Variants in INSC observed in about 807,000 individuals in gnomAD.
INSC encodes protein inscuteable homolog.
Under a neutral mutation model 58.6 loss-of-function variants are expected in INSC, and 67 were observed. The observed-to-expected ratio is 1.14, with a 90% CI of 0.94 to 1.40. The LOEUF is 1.40. Among genes scored for constraint, INSC ranks in the 40% most tolerant of loss-of-function variants. The probability of loss-of-function intolerance (pLI) is 0.00; values close to 1 mark genes in which losing one functional copy is unlikely to be tolerated. For missense variants in INSC, 714 were observed against 692.0 expected (o/e 1.03, Z -0.36); for synonymous variants, 262 against 276.1 (o/e 0.95, Z 0.51).
intron 8 of INSC, among the ~76,000 whole-genome samples, chr11:15,222,487 TG>T (rs1256158567): frequency 1.3e-5 from 2 of 152,096 alleles, no homozygotes; most frequent in Non-Finnish European, 2.9e-5. Context: ...CACAGAACAT[TG>T]GGCAAGGAGT....
chr11:15,116,876 TCC>T (rs199715498), intron 1 of INSC, among the ~76,000 whole-genome samples: 3 of 20,398 alleles, frequency 1.5e-4, no homozygotes, highest in African/African-American at 2.2e-4. Context: ...TCTCTCTCTC[TCC>T]CCCTCCCTCC....
the INSC span, among the ~76,000 whole-genome samples, chr11:15,257,453 T>A: frequency 6.6e-6 from 1 of 152,198 alleles, no homozygotes; most frequent in Non-Finnish European, 1.5e-5. Flanking sequence ...AGATACTAAA[T>A]TATGTTTATG....
intron 2 of INSC, among the ~76,000 whole-genome samples, chr11:15,160,805 TAAC>T (rs934067880): frequency 1.3e-5 from 2 of 152,140 alleles, no homozygotes; most frequent in African/African-American, 2.4e-5. Flanking sequence ...GAAACCGAAA[TAAC>T]AACAAGTTCC....
Position 15,180,002 on chromosome 11 carries a change from A to G in INSC, c.579+1555A>G, listed in dbSNP as rs193159470. Among the ~76,000 whole-genome samples the G allele has an allele frequency of 1.8e-4, 27 of 152,308 alleles. No individual in the cohort carries two copies. In the East Asian group the frequency reaches 5.2e-3, roughly 29 times the overall value. On this transcript the variant is annotated intron_variant, in intron 5 of 12. Coordinates refer to ENST00000379556, the MANE Select transcript of INSC (RefSeq NM_001042536.3). ...CTGGACGCAGTGGCTCACGCCTGTAATTCCAGCACTTTGGGAGGCCAAGGC... is the reference window on the plus strand; with the variant it reads ...CTGGACGCAGTGGCTCACGCCTGTAGTTCCAGCACTTTGGGAGGCCAAGGC...
intron 12 of INSC, among the ~76,000 whole-genome samples, chr11:15,240,941 T>C (rs1852326488): frequency 6.6e-6 from 1 of 152,152 alleles, no homozygotes; most frequent in Non-Finnish European, 1.5e-5. Flanking sequence ...AGGGAGCCCA[T>C]CTGCTGGTGC....
intron 7 of INSC, among the ~76,000 whole-genome samples, chr11:15,203,499 TC>T (rs1850678574): frequency 6.6e-6 from 1 of 152,364 alleles, no homozygotes; most frequent in South Asian, 2.1e-4. Context: ...GCAAAGTGAC[TC>T]CACATGGATT....
intron 8 of INSC, among the ~76,000 whole-genome samples, chr11:15,222,061 G>A (rs554446013): frequency 4.6e-5 from 7 of 152,286 alleles, no homozygotes; most frequent in African/African-American, 1.7e-4. Flanking sequence ...TGGGGAAAAT[G>A]GTTTCTCAGA....
chr11:15,261,128 G>C, the INSC span, among the ~76,000 whole-genome samples: 4 of 152,312 alleles, frequency 2.6e-5, no homozygotes, highest in East Asian at 7.7e-4. Context: ...CTGAGAACTT[G>C]GCTTGTGGAG....
intron 1 of INSC, among the ~76,000 whole-genome samples, chr11:15,143,596 C>T (rs1301225894): frequency 6.6e-6 from 1 of 152,134 alleles, no homozygotes; most frequent in Non-Finnish European, 1.5e-5. Flanking sequence ...GGATTTTAAA[C>T]AGTGAGTTGA....
intron 2 of INSC, among the ~76,000 whole-genome samples, chr11:15,161,502 G>A (rs1359288189): frequency 6.6e-6 from 1 of 152,138 alleles, no homozygotes; most frequent in African/African-American, 2.4e-5. Context: ...GAAGCTCAGA[G>A]GAAAAGGGGG....
At chr11:15,141,672 C>T (rs1173206460) in intron 1 of INSC, among the ~76,000 whole-genome samples, 3 of 152,078 alleles carry the variant, frequency 2.0e-5, no homozygotes, top group Non-Finnish European at 4.4e-5. Flanking sequence ...TGCAGGATGC[C>T]AGCCACCACA....
chr11:15,121,656 T>A lies in INSC; in HGVS notation c.-46+6653T>A, dbSNP rs574856767. Among the ~76,000 whole-genome samples, 15 of 152,358 alleles carry A rather than the reference T, an allele frequency of 9.8e-5. No individual in the cohort carries two copies. In the South Asian group the frequency reaches 3.1e-3, roughly 32 times the overall value. On this transcript the variant is annotated intron_variant, in intron 1 of 12. Transcript: ENST00000379556. ...TATAACCTGTTCCTTATCAAACTTA[T>A]ACCCACTGATTTTATCATCGTTGAT...
At chr11:15,216,601 AATTATTCATTGC>A (rs1851228034) in intron 7 of INSC, among the ~76,000 whole-genome samples, 1 of 152,198 alleles carries the variant, frequency 6.6e-6, no homozygotes, top group African/African-American at 2.4e-5. Context: ...GAGGAGTTGC[AATTATTCATTGC>A]ATTGTTCCTA....
chr11:15,158,473 G>A (rs1240357255), intron 2 of INSC, among the ~76,000 whole-genome samples: 2 of 151,982 alleles, frequency 1.3e-5, no homozygotes, highest in Admixed American at 1.3e-4. Context: ...TTGTCATCCT[G>A]GCAACTCCTC....
intron 1 of INSC, among the ~76,000 whole-genome samples, chr11:15,129,640 G>C (rs1012548073): frequency 1.3e-5 from 2 of 152,092 alleles, no homozygotes; most frequent in African/African-American, 4.8e-5. Flanking sequence ...TATTTTTGTT[G>C]CTTTGTTAAT....
intron 9 of INSC, among the ~76,000 whole-genome samples, chr11:15,228,674 G>A (rs994064295): frequency 3.9e-5 from 6 of 152,178 alleles, no homozygotes; most frequent in Non-Finnish European, 7.3e-5. Flanking sequence ...TGAGGCTTCC[G>A]GTAATGAATC....
At chr11:15,193,327 G>T (rs896643183) in intron 6 of INSC, among the ~76,000 whole-genome samples, 6 of 152,122 alleles carry the variant, frequency 3.9e-5, no homozygotes, top group East Asian at 1.9e-4. Context: ...AAGTTCTAGG[G>T]TACATGTGCA....
upstream of INSC, among the ~76,000 whole-genome samples, chr11:15,111,919 C>A (rs61877961): frequency 0.015 from 2,261 of 152,220 alleles, 30 homozygotes; most frequent in Middle Eastern, 0.017. Flanking sequence ...GGGATAATAC[C>A]AGAACCTAGT....
chr11:15,229,165 A>T (rs188444302), intron 9 of INSC, among the ~76,000 whole-genome samples: 52 of 152,292 alleles, frequency 3.4e-4, no homozygotes, highest in African/African-American at 9.4e-4. Context: ...TATATAATAG[A>T]GATTTTTACT....
Sources: gnomAD v4.1 joint callset for allele counts (sites outside exome capture counted in the v4.1 genomes callset) on GRCh38, gnomAD v4.1.1 for gene constraint, MANE v1.5 for transcripts, NCBI Gene and HGNC (gene_info 2026-07-23, HGNC 2026-07-21) for gene names.